CREB5: variants seen among roughly 807,000 people sequenced by gnomAD.
CREB5 encodes cAMP responsive element binding protein 5.
A neutral mutation model predicts 57.1 loss-of-function variants in CREB5; 19 were observed. That is an observed-to-expected ratio of 0.33 (90% CI 0.23 to 0.49). The LOEUF (loss-of-function observed/expected upper bound fraction) is 0.49. CREB5 is among the 20% of genes least tolerant of loss of function. The pLI is 0.99. For missense variants in CREB5, 579 were observed against 671.6 expected (o/e 0.86, Z 1.52); for synonymous variants, 238 against 238.3 (o/e 1.00, Z 0.01).
intron 7 of CREB5, among the ~76,000 whole-genome samples, chr7:28,786,125 A>G (rs1036383336): frequency 2.6e-5 from 4 of 152,334 alleles, no homozygotes; most frequent in Non-Finnish European, 4.4e-5. Flanking sequence ...CCCATTTTAC[A>G]GGCCTTTCTC....
intron 4 of CREB5, among the ~76,000 whole-genome samples, chr7:28,511,124 A>G (rs539413841): frequency 6.6e-6 from 1 of 152,128 alleles, no homozygotes; most frequent in Admixed American, 6.5e-5. Context: ...AAATATGTGA[A>G]AAAAAAATCT....
intron 1 of CREB5, among the ~76,000 whole-genome samples, chr7:28,352,242 G>A (rs1786208607): frequency 6.6e-6 from 1 of 152,176 alleles, no homozygotes; most frequent in African/African-American, 2.4e-5. Context: ...ATAATGATCT[G>A]CACTTGCCTG....
intron 4 of CREB5, among the ~76,000 whole-genome samples, chr7:28,533,294 TC>T (rs201172326): frequency 1.5e-3 from 230 of 152,212 alleles, no homozygotes; most frequent in African/African-American, 5.4e-3. Context: ...TAAATCTACC[TC>T]CCTTAACCTT....
intron 1 of CREB5, among the ~76,000 whole-genome samples, chr7:28,433,670 G>T (rs1163123721): frequency 2.0e-5 from 3 of 151,984 alleles, no homozygotes; most frequent in African/African-American, 7.3e-5. Context: ...GAAAGGAAAT[G>T]CACCCTTTAT....
intron 3 of CREB5, among the ~76,000 whole-genome samples, chr7:28,500,963 C>G (rs907280921): frequency 1.3e-5 from 2 of 152,112 alleles, no homozygotes; most frequent in Non-Finnish European, 2.9e-5. Flanking sequence ...TGGCTTGCAC[C>G]AGAGGGCAGC....
chr7:28,411,990 T>C (rs1429746282), upstream of CREB5, among the ~76,000 whole-genome samples: 2 of 152,188 alleles, frequency 1.3e-5, no homozygotes, highest in East Asian at 3.9e-4. Flanking sequence ...CTGGAAAGTG[T>C]GATTAATGAT....
intron 1 of CREB5, among the ~76,000 whole-genome samples, chr7:28,457,425 C>T (rs1790148641): frequency 1.3e-5 from 2 of 152,174 alleles, no homozygotes; most frequent in South Asian, 4.1e-4. Context: ...CTGCATAGGG[C>T]AGGCAGTTGC....
intron 5 of CREB5, among the ~76,000 whole-genome samples, chr7:28,654,637 T>C (rs1316037211): frequency 6.6e-6 from 1 of 152,168 alleles, no homozygotes; most frequent in African/African-American, 2.4e-5. Flanking sequence ...TCGCTAGTGA[T>C]GAGATTGCAA....
At position 28,560,831 on chromosome 7, in the gene CREB5, C is replaced by CGTGTGTGTGTGT. The variant is rs1562797049; in HGVS notation, c.292-9533_292-9532insTGTGTGTGTGTG. On this transcript the variant is annotated intron_variant, in intron 4 of 10. Transcript: ENST00000357727. ...GCGCGTGTGTGTGTGTGCGCGCGCG[C>CGTGTGTGTGTGT]GCGTGTGTGTGTGCGCGTGTGTGTG... Among the ~76,000 whole-genome samples the CGTGTGTGTGTGT allele has an allele frequency of 2.5e-3, 145 of 58,928 alleles. 17 individuals carry two copies. The highest frequency in any genetic ancestry group is 3.3e-3 in the Non-Finnish European group (96 of 28,910). 38.7% of individuals were successfully genotyped at this position (58,928 alleles called of 152,430 possible).
intron 1 of CREB5, among the ~76,000 whole-genome samples, chr7:28,465,298 C>T (rs1790517953): frequency 3.9e-5 from 6 of 152,172 alleles, no homozygotes; most frequent in Admixed American, 2.6e-4. Context: ...GAGTGCAGTG[C>T]AGAGCAATTT....
At position 28,544,832 on chromosome 7, in the gene CREB5, G is replaced by A. The variant is rs1461459934; in HGVS notation, c.292-25533G>A. Among the ~76,000 whole-genome samples, 7 of 152,208 alleles carry A rather than the reference G, an allele frequency of 4.6e-5. No homozygotes were observed. In the South Asian group the frequency reaches 1.2e-3, roughly 27 times the overall value. ...GTGGGAGGTGTCAGGGCGGGAATGG[G>A]AGAGTATGGGACGGAAAGATCCATT... is the stretch of plus-strand genomic sequence containing the variant. On this transcript the variant is annotated intron_variant, in intron 4 of 10. Coordinates refer to ENST00000357727, the MANE Select transcript of CREB5 (RefSeq NM_182898.4).
chr7:28,694,989 C>A (rs1003646219), intron 5 of CREB5, among the ~76,000 whole-genome samples: 1 of 152,150 alleles, frequency 6.6e-6, no homozygotes, highest in African/African-American at 2.4e-5. Context: ...ATTCGGGAGG[C>A]CAAGATGGGA....
intron 4 of CREB5, among the ~76,000 whole-genome samples, chr7:28,559,454 A>C (rs894167935): frequency 6.6e-6 from 1 of 152,140 alleles, no homozygotes; most frequent in South Asian, 2.1e-4. Flanking sequence ...AGCGGGGATT[A>C]CAGGCATGTG....
intron 1 of CREB5, among the ~76,000 whole-genome samples, chr7:28,362,899 T>C (rs1289842936): frequency 6.6e-6 from 1 of 152,226 alleles, no homozygotes; most frequent in Admixed American, 6.5e-5. Flanking sequence ...GTAATTATTC[T>C]AGCTGGTTGT....
rs1234708882 is a variant in CREB5, at chr7:28,560,909, C to CCTGCGCGTGT, written c.292-9456_292-9455insCTGCGCGTGT. ...GTGCGTGTGTGTGCGTGCGCGCGTG[C>CCTGCGCGTGT]GTGTGCGTGTGTGCGCGTGCGTGTG... On this transcript the variant is annotated intron_variant, in intron 4 of 10. Transcript: ENST00000357727. Among the ~76,000 whole-genome samples, 7 of 32,656 alleles carry CCTGCGCGTGT rather than the reference C, an allele frequency of 2.1e-4. 2 individuals carry two copies. The highest frequency in any genetic ancestry group is 1.8e-3 in the Admixed American group (7 of 3,832). 21.4% of individuals were successfully genotyped at this position (32,656 alleles called of 152,430 possible). A position where few individuals can be genotyped will look rare whatever the true frequency, so the allele number is the denominator to read the frequency against.
intron 5 of CREB5, among the ~76,000 whole-genome samples, chr7:28,616,546 G>GA (rs1440239223): frequency 1.3e-5 from 2 of 152,030 alleles, no homozygotes; most frequent in Admixed American, 1.3e-4. Flanking sequence ...TTGAGCAGCA[G>GA]AAAAACTCCA....
chr7:28,464,392 C>T (rs62449866), intron 1 of CREB5, among the ~76,000 whole-genome samples: 41,233 of 151,534 alleles, frequency 0.27, 6,793 homozygotes, highest in Middle Eastern at 0.37. Flanking sequence ...CCTTTTTATT[C>T]TTTGGAAAAA....
At chr7:28,678,763 A>G (rs1800444440) in intron 5 of CREB5, among the ~76,000 whole-genome samples, 1 of 152,218 alleles carries the variant, frequency 6.6e-6, no homozygotes, top group African/African-American at 2.4e-5. Flanking sequence ...TTTCATTTGG[A>G]AGACCCAAGA....
At chr7:28,629,319 C>T (rs6967474) in intron 5 of CREB5, among the ~76,000 whole-genome samples, 22,466 of 152,146 alleles carry the variant, frequency 0.15, 1,801 homozygotes, top group South Asian at 0.2. Flanking sequence ...TTACCCAGTC[C>T]TCCTTCCACC....
Sources: gnomAD v4.1 joint callset for allele counts (sites outside exome capture counted in the v4.1 genomes callset) on GRCh38, gnomAD v4.1.1 for gene constraint, MANE v1.5 for transcripts, NCBI Gene and HGNC (gene_info 2026-07-23, HGNC 2026-07-21) for gene names.